GLIS3: variants seen among roughly 807,000 people sequenced by gnomAD.
The protein encoded by GLIS3 is zinc finger protein GLIS3.
In GLIS3, 53 loss-of-function variants were observed where a neutral mutation model predicts 78.6. That is an observed-to-expected ratio of 0.67 (90% CI 0.54 to 0.85). GLIS3 has a LOEUF of 0.85. Among genes scored for constraint, GLIS3 ranks in the 40% least tolerant of loss-of-function variants. The pLI is 0.00. For synonymous variants in GLIS3, 684 were observed against 509.9 expected, an observed-to-expected ratio of 1.34 and a Z score of -4.60; for missense variants, 1,703 against 1,231.1, an observed-to-expected ratio of 1.38 and a Z score of -5.74.
intron 2 of GLIS3, among the ~76,000 whole-genome samples, chr9:4,261,685 T>G (rs1825542605): frequency 1.3e-5 from 2 of 152,162 alleles, no homozygotes; most frequent in African/African-American, 2.4e-5. Flanking sequence ...ACTCACTCAC[T>G]TCTCTGCCTT....
rs764032314 is a variant in GLIS3 at position 3,932,434 on chromosome 9, G to A, written c.1909C>T (p.Arg637Cys). Residue 637 changes from arginine to cysteine, a missense_variant, in exon 6 of 11, where the codon CGC becomes TGC. Transcript: ENST00000381971. ...YACQIPGCTKRYTDPSSLRKH... is the reference protein window; with the variant it reads ...YACQIPGCTKCYTDPSSLRKH... Reference sequence around the variant, plus strand: ...CTTAGGGAACTTGGGTCTGTGTAGCGTTTGGTACATCCTGGAATTTGACAA... The same window carrying A: ...CTTAGGGAACTTGGGTCTGTGTAGCATTTGGTACATCCTGGAATTTGACAA... 1.2e-5 allele frequency: 19 copies of A among 1,613,492 alleles called. 1 individual carries two copies. The highest frequency in any genetic ancestry group is 2.2e-5 in the East Asian group (1 of 44,860).
At chr9:4,333,807 T>C (rs372637593) in intron 2 of GLIS3, among the ~76,000 whole-genome samples, 5 of 139,786 alleles carry the variant, frequency 3.6e-5, no homozygotes, top group African/African-American at 1.3e-4. Context: ...TGATTGGAAA[T>C]ATCCTCCCAA....
At chr9:3,840,242 A>C (rs986220325) in intron 9 of GLIS3, among the ~76,000 whole-genome samples, 2 of 152,220 alleles carry the variant, frequency 1.3e-5, no homozygotes, top group African/African-American at 4.8e-5. Flanking sequence ...GCAGTTCTTA[A>C]GTAATTTTTA....
chr9:3,881,046 A>AGT (rs991445286), intron 7 of GLIS3, among the ~76,000 whole-genome samples: 4 of 152,166 alleles, frequency 2.6e-5, no homozygotes, highest in Admixed American at 6.5e-5. Flanking sequence ...AACTCACTAG[A>AGT]GTCACCTTAT....
intron 7 of GLIS3, among the ~76,000 whole-genome samples, chr9:3,897,395 A>C (rs1822926928): frequency 1.3e-5 from 2 of 152,230 alleles, no homozygotes; most frequent in South Asian, 4.1e-4. Flanking sequence ...AATACTGAAC[A>C]AATCAGACAC....
At chr9:4,455,940 C>G in the GLIS3 span, among the ~76,000 whole-genome samples, 1 of 151,958 alleles carries the variant, frequency 6.6e-6, no homozygotes, top group Non-Finnish European at 1.5e-5. Flanking sequence ...TGGTGAAGCC[C>G]TGTCTCTATT....
At chr9:4,465,823 T>C in the GLIS3 span, among the ~76,000 whole-genome samples, 1 of 152,196 alleles carries the variant, frequency 6.6e-6, no homozygotes, top group Non-Finnish European at 1.5e-5. Context: ...ATGTGGTAGA[T>C]TAGTGCTCCT....
chr9:4,433,142 T>C, the GLIS3 span, among the ~76,000 whole-genome samples: 1 of 152,298 alleles, frequency 6.6e-6, no homozygotes, highest in African/African-American at 2.4e-5. Context: ...ATGATCTTAA[T>C]CTAAAATGGC....
chr9:4,089,959 G>C (rs1186578935), intron 4 of GLIS3, among the ~76,000 whole-genome samples: 1 of 152,214 alleles, frequency 6.6e-6, no homozygotes, highest in Non-Finnish European at 1.5e-5. Context: ...GCCTCCCACT[G>C]TGTGCCATGC....
intron 2 of GLIS3, among the ~76,000 whole-genome samples, chr9:4,189,466 T>G (rs1013277183): frequency 6.6e-6 from 1 of 152,192 alleles, no homozygotes; most frequent in Admixed American, 6.5e-5. Flanking sequence ...AAAATGTATA[T>G]TCTGTTGATT....
At chr9:3,871,662 C>T (rs1432911533) in intron 8 of GLIS3, among the ~76,000 whole-genome samples, 2 of 152,186 alleles carry the variant, frequency 1.3e-5, no homozygotes, top group Non-Finnish European at 1.5e-5. Context: ...GGCTGGGACG[C>T]AGGGCACCAA....
chr9:4,152,130 T>C (rs534619117), intron 2 of GLIS3: 1 of 984,166 alleles, frequency 1.0e-6, no homozygotes, highest in African/African-American at 1.7e-5. Flanking sequence ...TAGTTGCCAC[T>C]TCAGCAGCTG....
chr9:3,987,083 T>G (rs150226162), intron 4 of GLIS3, among the ~76,000 whole-genome samples: 2 of 152,248 alleles, frequency 1.3e-5, no homozygotes, highest in Non-Finnish European at 2.9e-5. Flanking sequence ...CAAATTCTTT[T>G]GAAACAAATG....
rs140126330 is a variant in GLIS3 at position 3,917,426 on chromosome 9, C to T, written c.1983+14934G>A. 2.9e-3 allele frequency among the ~76,000 whole-genome samples: 434 copies of T among 152,272 alleles called. 1 individual carries two copies. The highest frequency in any genetic ancestry group is 9.9e-3 in the African/African-American group (411 of 41,550). Reference sequence around the variant, plus strand: ...CCATTTGAATTGTTCCTCTAAAAACCCTCCATTGAAATTCATTTTAGAATA... The same window carrying T: ...CCATTTGAATTGTTCCTCTAAAAACTCTCCATTGAAATTCATTTTAGAATA... On this transcript the variant is annotated intron_variant, in intron 6 of 10. Transcript: ENST00000381971.
intron 2 of GLIS3, among the ~76,000 whole-genome samples, chr9:4,206,639 G>C (rs1278399693): frequency 6.6e-6 from 1 of 152,202 alleles, no homozygotes; most frequent in African/African-American, 2.4e-5. Context: ...AAGAACTCTA[G>C]GCCTCACACC....
chr9:4,066,527 G>A (rs1025393123), intron 4 of GLIS3, among the ~76,000 whole-genome samples: 2 of 152,194 alleles, frequency 1.3e-5, no homozygotes, highest in African/African-American at 2.4e-5. Flanking sequence ...ACTCTAGGCT[G>A]CTGGATTTCT....
intron 8 of GLIS3, among the ~76,000 whole-genome samples, chr9:3,878,408 CA>C (rs1404280955): frequency 2.6e-5 from 4 of 152,074 alleles, no homozygotes; most frequent in African/African-American, 7.2e-5. Context: ...ATTCATTAAA[CA>C]AAATAATATT....
Position 4,118,110 on chromosome 9 carries a change from T to C in GLIS3, c.1368A>G (p.Pro456=). The C allele has an allele frequency of 8.5e-7, 1 of 1,178,676 alleles. No homozygotes were observed. Among genetic ancestry groups the C allele is most frequent in the Non-Finnish European group, 1.2e-6 (1 of 854,686 alleles). The allele number at this position is 1,178,676 out of a possible 1,614,324, so 73.0% of individuals were successfully genotyped here. A position where few individuals can be genotyped will look rare whatever the true frequency, so the allele number is the denominator to read the frequency against. The change falls in exon 4 of 11, where the codon CCA becomes CCG. Residue 456 remains proline, a synonymous_variant. Coordinates refer to ENST00000381971, the MANE Select transcript of GLIS3 (RefSeq NM_001042413.2). This position sits in a 1 kb window ranked among gnomAD's most constrained non-coding sequence, Gnocchi z 4.7. ...GGGCATGGTAAGGGGGTGGGGGGCC[T>C]GGGGGCGGCGGCAGAGGAGGGAGCG... ...APPLPPLPPP[P]GPPPPYHAHA...
chr9:3,979,451 C>T (rs1260918231), intron 4 of GLIS3, among the ~76,000 whole-genome samples: 1 of 152,240 alleles, frequency 6.6e-6, no homozygotes, highest in Non-Finnish European at 1.5e-5. Context: ...GCGAAGACCA[C>T]AGCCCGTGTG....
Sources: allele counts gnomAD v4.1 joint callset (sites outside exome capture counted in the v4.1 genomes callset), GRCh38; gene constraint gnomAD v4.1.1; non-coding constraint Gnocchi (gnomAD v3.1); transcripts MANE v1.5; gene names NCBI Gene and HGNC (gene_info 2026-07-23, HGNC 2026-07-21).